The following MDGA2 variants were observed in gnomAD, a reference collection of about 807,000 sequenced individuals.
MDGA2 encodes MAM domain containing glycosylphosphatidylinositol anchor 2.
A neutral mutation model predicts 117.8 loss-of-function variants in MDGA2; 40 were observed. That is an observed-to-expected ratio of 0.34 (90% confidence interval 0.26 to 0.44). The LOEUF (loss-of-function observed/expected upper bound fraction) is 0.44. Ranked by LOEUF, MDGA2 falls within the 20% of genes least tolerant of loss-of-function variation. The probability of loss-of-function intolerance (pLI) is 1.00; values close to 1 mark genes in which losing one functional copy is unlikely to be tolerated. For synonymous variants in MDGA2, 452 were observed against 439.0 expected (o/e 1.03, Z -0.37); for missense variants, 1,123 against 1,250.6 (o/e 0.90, Z 1.54).
chr14:47,449,603 C>A (rs988668291), intron 1 of MDGA2, among the ~76,000 whole-genome samples: 1 of 152,030 alleles, frequency 6.6e-6, no homozygotes, highest in Non-Finnish European at 1.5e-5. Flanking sequence ...AACATTAAAA[C>A]TATAGCTAGA....
At chr14:47,558,041 T>C (rs929197166) in intron 1 of MDGA2, among the ~76,000 whole-genome samples, 9 of 152,166 alleles carry the variant, frequency 5.9e-5, no homozygotes, top group African/African-American at 2.2e-4. Flanking sequence ...ATCATGACTT[T>C]AAAAAGTAGA....
chr14:47,389,932 G>C (rs1313911630), intron 1 of MDGA2, among the ~76,000 whole-genome samples: 1 of 152,130 alleles, frequency 6.6e-6, no homozygotes, highest in East Asian at 1.9e-4. Flanking sequence ...TGAATATCTT[G>C]ACTCTCAGAC....
chr14:47,204,994 T>C (rs1318086529), intron 3 of MDGA2, among the ~76,000 whole-genome samples: 1 of 151,912 alleles, frequency 6.6e-6, no homozygotes, highest in East Asian at 1.9e-4. Context: ...TTGCTTTCTC[T>C]CTCTCAGCCC....
In MDGA2 at chr14:47,299,797, C is replaced by T. The variant is rs561707950; in HGVS notation, c.420+1614G>A. Among the ~76,000 whole-genome samples the T allele has an allele frequency of 7.7e-4, 117 of 152,064 alleles. 2 individuals are homozygous for T. In the South Asian group the frequency reaches 0.022, roughly 28 times the overall value. On this transcript the variant is annotated intron_variant, in intron 2 of 16. Transcript: ENST00000399232. ...TTTTTTTTCTATCAAGCGTAATTAT[C>T]CTGGCTCAAATTGTGTTTCTCTAAA...
chr14:47,298,705 G>C (rs1471273093), intron 2 of MDGA2, among the ~76,000 whole-genome samples: 1 of 113,622 alleles, frequency 8.8e-6, no homozygotes, highest in Non-Finnish European at 1.9e-5. Context: ...TTTTTTTTGA[G>C]ACAGAGTCTC....
intron 8 of MDGA2, among the ~76,000 whole-genome samples, chr14:46,978,227 T>A (rs1356468668): frequency 6.6e-6 from 1 of 152,006 alleles, no homozygotes. Context: ...TTTACTCTTT[T>A]GTCTATTATA....
chr14:47,589,681 A>G (rs986563560), intron 1 of MDGA2, among the ~76,000 whole-genome samples: 2 of 151,908 alleles, frequency 1.3e-5, no homozygotes, highest in African/African-American at 4.8e-5. Context: ...TTTTTGAATT[A>G]GCTTGTTAAT....
chr14:47,567,368 T>G (rs1895938969), intron 1 of MDGA2, among the ~76,000 whole-genome samples: 1 of 152,130 alleles, frequency 6.6e-6, no homozygotes, highest in African/African-American at 2.4e-5. Context: ...ACATAACAAC[T>G]GAAGGAAAAA....
intron 7 of MDGA2, among the ~76,000 whole-genome samples, chr14:47,046,114 T>C (rs926714328): frequency 6.6e-6 from 1 of 151,268 alleles, no homozygotes; most frequent in Non-Finnish European, 1.5e-5. Flanking sequence ...GTAACAAACC[T>C]GCACATTGTG....
At chr14:46,920,453 C>T (rs1004955288) in intron 9 of MDGA2, among the ~76,000 whole-genome samples, 2 of 152,076 alleles carry the variant, frequency 1.3e-5, no homozygotes, top group Non-Finnish European at 2.9e-5. Flanking sequence ...GAAAGAAGAT[C>T]AAAGTCATTT....
At chr14:47,213,456 A>T (rs1885959344) in intron 3 of MDGA2, among the ~76,000 whole-genome samples, 1 of 152,316 alleles carries the variant, frequency 6.6e-6, no homozygotes, top group Non-Finnish European at 1.5e-5. Context: ...ATCCAGTGGT[A>T]GCTTTATAAT....
chr14:47,382,452 C>G (rs1227616220), intron 1 of MDGA2, among the ~76,000 whole-genome samples: 2 of 152,022 alleles, frequency 1.3e-5, no homozygotes, highest in Admixed American at 1.3e-4. Flanking sequence ...TACAATCTAC[C>G]CATCTGACAA....
At chr14:46,999,331 GC>G (rs954403778) in intron 8 of MDGA2, among the ~76,000 whole-genome samples, 1 of 151,710 alleles carries the variant, frequency 6.6e-6, no homozygotes, top group African/African-American at 2.4e-5. Flanking sequence ...ATAAGCACTA[GC>G]AAAAAAGCAG....
intron 16 of MDGA2, among the ~76,000 whole-genome samples, chr14:46,845,430 T>C (rs1479624976): frequency 6.6e-6 from 1 of 152,234 alleles, no homozygotes; most frequent in Admixed American, 6.5e-5. Flanking sequence ...GTGCTATGTA[T>C]ATAGGTTCAT....
chr14:47,120,250 C>T (rs1881579877), intron 5 of MDGA2, among the ~76,000 whole-genome samples: 1 of 152,096 alleles, frequency 6.6e-6, no homozygotes, highest in Non-Finnish European at 1.5e-5. Context: ...TTGATTATTT[C>T]CATGCTTGTG....
intron 8 of MDGA2, among the ~76,000 whole-genome samples, chr14:47,007,037 C>T (rs149500165): frequency 2.6e-5 from 4 of 151,782 alleles, no homozygotes; most frequent in East Asian, 1.9e-4. Context: ...AAGAATATTT[C>T]GTTTTAAAAG....
intron 2 of MDGA2, among the ~76,000 whole-genome samples, chr14:47,260,805 T>C (rs778401895): frequency 1.3e-5 from 2 of 152,076 alleles, no homozygotes; most frequent in African/African-American, 2.4e-5. Context: ...ATTTTCAGGA[T>C]ACCTTTGTAA....
At chr14:47,032,134 GACTTAATTGC>G (rs1888684652) in intron 8 of MDGA2, among the ~76,000 whole-genome samples, 1 of 152,012 alleles carries the variant, frequency 6.6e-6, no homozygotes, top group South Asian at 2.1e-4. Context: ...TGCAATGATG[GACTTAATTGC>G]TAAGGATGAT....
chr14:47,046,274 C>A (rs1216133707), intron 7 of MDGA2, among the ~76,000 whole-genome samples: 1 of 151,858 alleles, frequency 6.6e-6, no homozygotes, highest in Non-Finnish European at 1.5e-5. Context: ...AACTAGTCAA[C>A]CTATAACCAT....
Sources: gnomAD v4.1 joint callset for allele counts (sites outside exome capture counted in the v4.1 genomes callset) on GRCh38, gnomAD v4.1.1 for gene constraint, MANE v1.5 for transcripts, NCBI Gene and HGNC (gene_info 2026-07-23, HGNC 2026-07-21) for gene names.